C12orf56: variants seen among roughly 807,000 people sequenced by gnomAD.
C12orf56 encodes chromosome 12 open reading frame 56, also known as uncharacterized protein C12orf56.
A neutral mutation model predicts 69.9 loss-of-function variants in C12orf56; 71 were observed. The observed-to-expected ratio is 1.02, with a 90% confidence interval of 0.84 to 1.24. The LOEUF (loss-of-function observed/expected upper bound fraction) is 1.24, where lower values mean the gene tolerates loss of function less well. C12orf56 is among the 50% of genes most tolerant of loss of function. The probability of loss-of-function intolerance (pLI) is 0.00; values close to 1 mark genes in which losing one functional copy is unlikely to be tolerated. For synonymous variants in C12orf56, 276 were observed against 274.1 expected, an observed-to-expected ratio of 1.01 and a Z score of -0.07; for missense variants, 732 against 738.5, an observed-to-expected ratio of 0.99 and a Z score of 0.10.
At position 64,266,493 on chromosome 12, in the gene C12orf56, C is replaced by T. The variant is rs1025464703; in HGVS notation, c.*690G>A. On this transcript the variant is annotated 3_prime_UTR_variant, in exon 13 of 13. Transcript: ENST00000543942. Reference sequence around the variant, plus strand: ...TGGAGGCGTGGCTGGCGGATGAGATCTTGAGTGAGTGACCTTAGGCCCAGA... The same window carrying T: ...TGGAGGCGTGGCTGGCGGATGAGATTTTGAGTGAGTGACCTTAGGCCCAGA... The T allele has an allele frequency of 1.8e-4, 49 of 267,404 alleles. No individual in the cohort carries two copies. Among genetic ancestry groups the T allele is most frequent in the African/African-American group, 1.1e-3 (49 of 44,492 alleles). 16.6% of individuals were successfully genotyped at this position (267,404 alleles called of 1,614,324 possible). A position where few individuals can be genotyped will look rare whatever the true frequency, so the allele number is the denominator to read the frequency against.
intron 3 of C12orf56, among the ~76,000 whole-genome samples, chr12:64,319,882 G>GTT (rs1169338661): frequency 1.3e-5 from 2 of 152,178 alleles, no homozygotes; most frequent in African/African-American, 4.8e-5. Flanking sequence ...TGGGAGCTCT[G>GTT]TTTTCACTCT....
intron 3 of C12orf56, among the ~76,000 whole-genome samples, chr12:64,320,821 A>G (rs1419171985): frequency 6.6e-6 from 1 of 152,192 alleles, no homozygotes; most frequent in Admixed American, 6.5e-5. Flanking sequence ...CCAGTAATCA[A>G]ACTGAACTTG....
chr12:64,331,147 T>C, intron 2 of C12orf56, 115 bp from the exon 3 acceptor site: 1 of 936,366 alleles, frequency 1.1e-6, no homozygotes, highest in Non-Finnish European at 1.6e-6. Context: ...ACAAAAATTG[T>C]AAGTCCAAAA....
At chr12:64,347,670 G>A (rs2039164838) in intron 2 of C12orf56, among the ~76,000 whole-genome samples, 1 of 152,150 alleles carries the variant, frequency 6.6e-6, no homozygotes, top group South Asian at 2.1e-4. Context: ...TGTTGAGTGT[G>A]TGATGTCTAT....
At chr12:64,303,318 A>G (rs1044744843) in intron 6 of C12orf56, among the ~76,000 whole-genome samples, 3 of 148,922 alleles carry the variant, frequency 2.0e-5, no homozygotes, top group African/African-American at 7.4e-5. Flanking sequence ...CTACTTTCCC[A>G]TCTCACTGTC....
chr12:64,280,147 C>T (rs553529337), intron 8 of C12orf56, among the ~76,000 whole-genome samples: 12 of 152,132 alleles, frequency 7.9e-5, no homozygotes, highest in South Asian at 2.1e-4. Context: ...AATGATTAAC[C>T]GCTTTTTTAT....
chr12:64,334,017 A>G (rs1162931293), intron 2 of C12orf56, among the ~76,000 whole-genome samples: 1 of 152,214 alleles, frequency 6.6e-6, no homozygotes, highest in Non-Finnish European at 1.5e-5. Flanking sequence ...TCTAGTGTGC[A>G]TGTAGCAGTT....
chr12:64,274,090 G>A (rs2038022318), intron 11 of C12orf56, among the ~76,000 whole-genome samples: 1 of 152,244 alleles, frequency 6.6e-6, no homozygotes, highest in African/African-American at 2.4e-5. Context: ...CCCTGTCACG[G>A]GGGGCAGAGA....
At chr12:64,275,055 T>C in intron 10 of C12orf56, 80 bp from the exon 11 acceptor site, 1 of 1,281,106 alleles carries the variant, frequency 7.8e-7, no homozygotes, top group South Asian at 1.3e-5. Flanking sequence ...CTTAAATACA[T>C]TTTTATCCTG....
Position 64,285,969 on chromosome 12 carries a change from C to A in C12orf56, c.1205G>T (p.Arg402Met). 3.7e-6 allele frequency: 6 copies of A among 1,602,600 alleles called. No homozygotes were observed. The highest frequency in any genetic ancestry group is 3.4e-6 in the Non-Finnish European group (4 of 1,172,280). Residue 402 changes from arginine to methionine, a missense_variant, in exon 7 of 13, where the codon AGG becomes ATG. Transcript: ENST00000543942. Reference protein sequence around the residue: ...DKNALQNQSQRVDELVACIEI... With the variant: ...DKNALQNQSQMVDELVACIEI... ...TAGTACTTACACCAGCTCATCAACC[C>A]TTTGGCTTTGATTTTGTAGTGCATT...
At chr12:64,388,343 C>T (rs942197657) in intron 1 of C12orf56, among the ~76,000 whole-genome samples, 1 of 152,184 alleles carries the variant, frequency 6.6e-6, no homozygotes. Context: ...AACTCCTTAA[C>T]TCAAAGTATC....
chr12:64,381,062 T>A (rs1424615014), intron 1 of C12orf56, among the ~76,000 whole-genome samples: 1 of 152,158 alleles, frequency 6.6e-6, no homozygotes, highest in African/African-American at 2.4e-5. Flanking sequence ...TATGGGAGAC[T>A]AGAGTTTTAT....
At chr12:64,268,435 C>T (rs1393274937) in intron 12 of C12orf56, among the ~76,000 whole-genome samples, 2 of 72,302 alleles carry the variant, frequency 2.8e-5, no homozygotes, top group Non-Finnish European at 8.1e-5. Flanking sequence ...AAACATTAAG[C>T]TCAGTGAAGT....
chr12:64,338,623 A>G (rs2039029794), intron 2 of C12orf56: 2 of 1,589,702 alleles, frequency 1.3e-6, no homozygotes, highest in Admixed American at 1.7e-5. Flanking sequence ...CTTTCTTCTC[A>G]TAATATTCCA....
rs200671246 is a variant in C12orf56, at chr12:64,333,504, TA to T, written c.416-2473del. On this transcript the variant is annotated intron_variant, in intron 2 of 12. Coordinates refer to ENST00000543942, the MANE Select transcript of C12orf56 (RefSeq NM_001170633.2). ...TAGCTTTATTTTATTTATTTTTATT[TA>T]TTTTTTTATTTTTTTGAGAAGAGTC... Among the ~76,000 whole-genome samples, 1,393 of 152,176 alleles carry T rather than the reference TA, an allele frequency of 9.2e-3. 26 individuals are homozygous for T. Among genetic ancestry groups the T allele is most frequent in the African/African-American group, 0.032 (1,310 of 41,540 alleles).
chr12:64,368,721 A>G (rs2039530875), intron 1 of C12orf56, among the ~76,000 whole-genome samples: 1 of 152,200 alleles, frequency 6.6e-6, no homozygotes, highest in East Asian at 1.9e-4. Flanking sequence ...ATCACAGTAG[A>G]CATCTTGACA....
rs539535307 is a variant in C12orf56, at chr12:64,268,070, G to T, written c.1764-782C>A. On this transcript the variant is annotated intron_variant, in intron 12 of 12. Transcript: ENST00000543942. ...ATCATGTTGGTGTTCAAATGATTTC[G>T]GATTTTGGAGCATTGCAAATTTTGG... 1.1e-3 allele frequency among the ~76,000 whole-genome samples: 174 copies of T among 152,104 alleles called. 1 individual carries two copies. Among genetic ancestry groups the T allele is most frequent in the Non-Finnish European group, 1.5e-3 (102 of 68,020 alleles).
At position 64,318,947 on chromosome 12, in the gene C12orf56, G is replaced by A. The variant is rs2038731310; in HGVS notation, c.522C>T (p.Asp174=). 1 of 1,530,670 alleles carries A rather than the reference G, an allele frequency of 6.5e-7. No homozygotes were observed. The highest frequency in any genetic ancestry group is 1.4e-5 in the African/African-American group (1 of 72,948). The allele number at this position is 1,530,670 out of a possible 1,614,324, so 94.8% of individuals were successfully genotyped here. The change falls in exon 4 of 13, where the codon GAC becomes GAT. Residue 174 remains aspartate (D), a synonymous_variant. Transcript: ENST00000543942. ...GGCCTGGACGAGGACAGAGAGTTGAGTCCTTGGATGGTGTACTGCTCTCCT... is the reference window on the plus strand; with the variant it reads ...GGCCTGGACGAGGACAGAGAGTTGAATCCTTGGATGGTGTACTGCTCTCCT... ...DQQESSTPSK[D]STLCPRPGLK...
At chr12:64,276,993 T>TAAAAATAAAAA (rs2038059148) in intron 9 of C12orf56, among the ~76,000 whole-genome samples, 1 of 69,218 alleles carries the variant, frequency 1.4e-5, no homozygotes, top group Admixed American at 2.1e-4. Context: ...AACCCTTTCT[T>TAAAAATAAAAA]AAAAAAAAAA....
Sources: allele counts gnomAD v4.1 joint callset (sites outside exome capture counted in the v4.1 genomes callset), GRCh38; gene constraint gnomAD v4.1.1; transcripts MANE v1.5; gene names NCBI Gene and HGNC (gene_info 2026-07-23, HGNC 2026-07-21).